HIVEP3: variants seen among roughly 807,000 people sequenced by gnomAD.
The protein encoded by HIVEP3 is transcription factor HIVEP3.
In HIVEP3, 49 loss-of-function variants were observed where a neutral mutation model predicts 152.8. The observed-to-expected ratio is 0.32, with a 90% CI of 0.26 to 0.41. The LOEUF (loss-of-function observed/expected upper bound fraction) is 0.41. Among genes scored for constraint, HIVEP3 ranks in the 10% least tolerant of loss-of-function variants. The pLI is 1.00. For synonymous variants in HIVEP3, 1,269 were observed against 1,289.0 expected, an observed-to-expected ratio of 0.98 and a Z score of 0.33; for missense variants, 2,790 against 3,103.3, an observed-to-expected ratio of 0.90 and a Z score of 2.40.
intron 1 of HIVEP3, among the ~76,000 whole-genome samples, chr1:41,904,360 C>A (rs1400501583): frequency 6.6e-6 from 1 of 152,176 alleles, no homozygotes; most frequent in South Asian, 2.1e-4. Context: ...GAGGTCCTGA[C>A]CTTGGCTGCA....
chr1:41,628,503 G>A (rs991230553), intron 3 of HIVEP3, among the ~76,000 whole-genome samples: 1 of 152,134 alleles, frequency 6.6e-6, no homozygotes, highest in African/African-American at 2.4e-5. Flanking sequence ...ACTGGGAGGG[G>A]GCGGACTGCA....
At chr1:42,016,547 T>A (rs192439372) in intron 1 of HIVEP3, among the ~76,000 whole-genome samples, 1 of 152,192 alleles carries the variant, frequency 6.6e-6, no homozygotes, top group Non-Finnish European at 1.5e-5. Flanking sequence ...TCCTACTGAT[T>A]TTAATACATG....
chr1:41,806,909 G>A (rs1441380785), intron 1 of HIVEP3, among the ~76,000 whole-genome samples: 4 of 151,828 alleles, frequency 2.6e-5, no homozygotes, highest in South Asian at 2.1e-4. Context: ...CTCACCCCAC[G>A]CCCCACCCAC....
At chr1:41,994,580 G>T (rs114251307) in intron 1 of HIVEP3, among the ~76,000 whole-genome samples, 51 of 152,206 alleles carry the variant, frequency 3.4e-4, no homozygotes, top group African/African-American at 1.2e-3. Context: ...CTCTCTTGCT[G>T]CCATGTGAAG....
chr1:41,972,456 T>C (rs1645235255), intron 1 of HIVEP3, among the ~76,000 whole-genome samples: 1 of 152,196 alleles, frequency 6.6e-6, no homozygotes, highest in Non-Finnish European at 1.5e-5. Flanking sequence ...AGGGTAGACA[T>C]GGACAAGGAG....
chr1:41,865,110 G>C (rs1643944942), intron 1 of HIVEP3, among the ~76,000 whole-genome samples: 1 of 152,202 alleles, frequency 6.6e-6, no homozygotes, highest in South Asian at 2.1e-4. Flanking sequence ...TCTCAATGTA[G>C]ACACTTGGAT....
chr1:41,892,273 C>T (rs1478166766), intron 1 of HIVEP3, among the ~76,000 whole-genome samples: 1 of 152,174 alleles, frequency 6.6e-6, no homozygotes, highest in Non-Finnish European at 1.5e-5. Context: ...TCCACCCACC[C>T]ACTAGGAGTA....
intron 1 of HIVEP3, among the ~76,000 whole-genome samples, chr1:41,706,988 T>C (rs1646443428): frequency 6.6e-6 from 1 of 152,194 alleles, no homozygotes; most frequent in South Asian, 2.1e-4. Context: ...AAAAGCATCA[T>C]CATATCTAGC....
chr1:41,687,682 G>C (rs765242084), intron 2 of HIVEP3, among the ~76,000 whole-genome samples: 3 of 152,236 alleles, frequency 2.0e-5, no homozygotes, highest in African/African-American at 7.2e-5. Flanking sequence ...TTCATCATCT[G>C]AGAAAGCTCA....
intron 1 of HIVEP3, among the ~76,000 whole-genome samples, chr1:41,886,278 C>T (rs562182150): frequency 1.3e-5 from 2 of 152,012 alleles, no homozygotes; most frequent in East Asian, 1.9e-4. Context: ...TTCACAGTCA[C>T]GTTAATGCAA....
intron 1 of HIVEP3, among the ~76,000 whole-genome samples, chr1:41,890,877 C>T (rs1411883069): frequency 1.3e-5 from 2 of 152,226 alleles, no homozygotes; most frequent in African/African-American, 4.8e-5. Context: ...ACTCAGGCAG[C>T]TCTCCCATTC....
intron 1 of HIVEP3, among the ~76,000 whole-genome samples, chr1:41,751,280 C>T (rs1158944060): frequency 1.3e-5 from 2 of 149,748 alleles, no homozygotes; most frequent in Non-Finnish European, 3.0e-5. Context: ...TTTCCAACTT[C>T]TCCTCTTCAC....
chr1:41,637,543 A>C (rs556943765), intron 2 of HIVEP3, among the ~76,000 whole-genome samples: 2 of 152,268 alleles, frequency 1.3e-5, no homozygotes, highest in South Asian at 4.1e-4. Flanking sequence ...CAAGCGGTGA[A>C]CCTTGGTCTG....
intron 3 of HIVEP3, among the ~76,000 whole-genome samples, chr1:41,619,112 C>A (rs1212464688): frequency 1.3e-5 from 2 of 152,192 alleles, no homozygotes; most frequent in African/African-American, 4.8e-5. Context: ...CTGCCTCTCC[C>A]TTCCAGCCTC....
intron 1 of HIVEP3, among the ~76,000 whole-genome samples, chr1:41,722,912 T>G (rs1198079367): frequency 2.0e-5 from 3 of 152,020 alleles, no homozygotes; most frequent in African/African-American, 7.3e-5. Context: ...GAGAGAGAGA[T>G]GCATGTGTGT....
At chr1:42,006,310 T>G (rs1645459014) in intron 1 of HIVEP3, among the ~76,000 whole-genome samples, 1 of 151,750 alleles carries the variant, frequency 6.6e-6, no homozygotes, top group Admixed American at 6.6e-5. Context: ...TGAAATAAGG[T>G]GTGGGAAAGT....
At chr1:41,729,030 T>C (rs565352119) in intron 1 of HIVEP3, among the ~76,000 whole-genome samples, 1 of 152,182 alleles carries the variant, frequency 6.6e-6, no homozygotes, top group Admixed American at 6.5e-5. Context: ...ATCTCCCACA[T>C]GGACTAGGGG....
At chr1:41,971,025 C>T (rs979245746) in intron 1 of HIVEP3, among the ~76,000 whole-genome samples, 5 of 152,032 alleles carry the variant, frequency 3.3e-5, no homozygotes, top group South Asian at 2.1e-4. Context: ...AAATATAGAC[C>T]TGATTTAATT....
At chr1:41,885,614 G>C (rs1488451034) in intron 1 of HIVEP3, among the ~76,000 whole-genome samples, 1 of 152,194 alleles carries the variant, frequency 6.6e-6, no homozygotes, top group Non-Finnish European at 1.5e-5. Context: ...GCAGTGAGCT[G>C]AGATCACCTC....
Sources: gnomAD v4.1 joint callset for allele counts (sites outside exome capture counted in the v4.1 genomes callset) on GRCh38, gnomAD v4.1.1 for gene constraint, MANE v1.5 for transcripts, NCBI Gene and HGNC (gene_info 2026-07-23, HGNC 2026-07-21) for gene names.